The following POU6F2 variants were observed in gnomAD, a reference collection of about 807,000 sequenced individuals.
POU6F2 encodes the protein POU class 6 homeobox 2, also known as POU domain, class 6, transcription factor 2.
A neutral mutation model predicts 71.3 loss-of-function variants in POU6F2; 31 were observed. The ratio of observed to expected loss-of-function variants is 0.43; its 90% confidence interval spans 0.33 to 0.59. The LOEUF (loss-of-function observed/expected upper bound fraction) is 0.59. Among genes scored for constraint, POU6F2 ranks in the 20% least tolerant of loss-of-function variants. The pLI is 0.04. For synonymous variants in POU6F2, 347 were observed against 355.7 expected, an observed-to-expected ratio of 0.98 and a Z score of 0.27; for missense variants, 783 against 856.8, an observed-to-expected ratio of 0.91 and a Z score of 1.07.
At chr7:39,461,297 GGCCTAACCTT>G (rs1788944505) in intron 9 of POU6F2, among the ~76,000 whole-genome samples, 1 of 152,204 alleles carries the variant, frequency 6.6e-6, no homozygotes, top group Non-Finnish European at 1.5e-5. Context: ...GTGAGAATCT[GGCCTAACCTT>G]GCTCATCTCC....
chr7:39,453,044 A>G (rs1290360692), intron 8 of POU6F2, among the ~76,000 whole-genome samples: 2 of 152,226 alleles, frequency 1.3e-5, no homozygotes, highest in African/African-American at 4.8e-5. Flanking sequence ...GTGAGCTGAG[A>G]TCGCACCATT....
intron 1 of POU6F2, among the ~76,000 whole-genome samples, chr7:39,030,387 C>T (rs1789909147): frequency 6.7e-6 from 1 of 149,492 alleles, no homozygotes; most frequent in East Asian, 2.0e-4. Context: ...ATATAGTTTA[C>T]TTGGGCATCC....
chr7:39,431,921 C>T (rs1342021900), intron 6 of POU6F2, among the ~76,000 whole-genome samples: 1 of 152,234 alleles, frequency 6.6e-6, no homozygotes. Context: ...CCCTTGAAGG[C>T]AACCGGAAAG....
intron 4 of POU6F2, among the ~76,000 whole-genome samples, chr7:39,332,879 C>T (rs1785685191): frequency 6.6e-6 from 1 of 152,148 alleles, no homozygotes; most frequent in South Asian, 2.1e-4. Context: ...AGATTGTAGG[C>T]TGACTGGCTT....
At chr7:39,190,155 C>G (rs977753684) in intron 2 of POU6F2, among the ~76,000 whole-genome samples, 4 of 151,594 alleles carry the variant, frequency 2.6e-5, no homozygotes, top group African/African-American at 9.7e-5. Flanking sequence ...CTTTACCTTC[C>G]AAAGTGCTGG....
intron 4 of POU6F2, among the ~76,000 whole-genome samples, chr7:39,333,022 G>A (rs1785688256): frequency 6.6e-6 from 1 of 152,128 alleles, no homozygotes; most frequent in Non-Finnish European, 1.5e-5. Context: ...GGTGGAAATA[G>A]TGGGGAAGTC....
At chr7:39,069,916 G>A (rs917665370) in intron 1 of POU6F2, among the ~76,000 whole-genome samples, 1 of 152,164 alleles carries the variant, frequency 6.6e-6, no homozygotes, top group African/African-American at 2.4e-5. Flanking sequence ...CCCTTGTGGT[G>A]CAGACCTGTG....
intron 6 of POU6F2, 136 bp from the exon 7 acceptor site, chr7:39,432,941 C>G (rs1481398338): frequency 1.3e-6 from 1 of 752,234 alleles, no homozygotes; most frequent in Non-Finnish European, 2.1e-6. Flanking sequence ...TCCACCACAC[C>G]CCCCTCCAGA....
intron 2 of POU6F2, among the ~76,000 whole-genome samples, chr7:39,194,436 GT>G (rs767676414): frequency 9.9e-5 from 15 of 152,230 alleles, no homozygotes; most frequent in Non-Finnish European, 2.1e-4. Flanking sequence ...GAAGTTTTCT[GT>G]CTAGCTAAAG....
intron 6 of POU6F2, among the ~76,000 whole-genome samples, chr7:39,413,530 G>C (rs1026206145): frequency 1.2e-4 from 18 of 151,968 alleles, no homozygotes; most frequent in African/African-American, 3.9e-4. Flanking sequence ...CTTAACTAAT[G>C]GTTTTGGCCA....
intron 6 of POU6F2, among the ~76,000 whole-genome samples, chr7:39,422,090 G>A (rs1454014072): frequency 1.3e-5 from 2 of 152,070 alleles, no homozygotes; most frequent in Admixed American, 6.6e-5. Flanking sequence ...CAGCTACCAA[G>A]AAAATGAAAA....
intron 2 of POU6F2, among the ~76,000 whole-genome samples, chr7:39,160,090 G>T (rs1792961699): frequency 6.6e-6 from 1 of 152,174 alleles, no homozygotes; most frequent in Non-Finnish European, 1.5e-5. Flanking sequence ...AGAACTATCA[G>T]CAAACATAGG....
chr7:39,125,067 A>C, intron 2 of POU6F2, among the ~76,000 whole-genome samples: 1 of 152,202 alleles, frequency 6.6e-6, no homozygotes, highest in South Asian at 2.1e-4. Flanking sequence ...CTTGATATAA[A>C]AATACCTACC....
intron 2 of POU6F2, among the ~76,000 whole-genome samples, chr7:39,202,680 T>C (rs1266834371): frequency 1.3e-5 from 2 of 152,190 alleles, no homozygotes; most frequent in African/African-American, 4.8e-5. Context: ...TTAAGCATAA[T>C]AGGTAAATCA....
chr7:39,418,911 A>G (rs199852447), intron 6 of POU6F2, among the ~76,000 whole-genome samples: 255 of 141,930 alleles, frequency 1.8e-3, no homozygotes, highest in African/African-American at 5.9e-3. Flanking sequence ...GTGTGTGTGT[A>G]TATATATATG....
At chr7:39,340,451 TCTCACCTTAAGTA>T (rs1434766350) in intron 5 of POU6F2, among the ~76,000 whole-genome samples, 1 of 152,208 alleles carries the variant, frequency 6.6e-6, no homozygotes, top group Non-Finnish European at 1.5e-5. Flanking sequence ...TACAACAGTG[TCTCACCTTAAGTA>T]CTTTGTGCTC....
At chr7:39,321,213 G>T (rs1444528097) in intron 4 of POU6F2, among the ~76,000 whole-genome samples, 1 of 152,160 alleles carries the variant, frequency 6.6e-6, no homozygotes, top group African/African-American at 2.4e-5. Flanking sequence ...AAAACCACAA[G>T]ATAAGGGGGC....
intron 2 of POU6F2, among the ~76,000 whole-genome samples, chr7:39,201,201 C>A (rs6955794): frequency 6.6e-6 from 1 of 152,096 alleles, no homozygotes; most frequent in Non-Finnish European, 1.5e-5. Flanking sequence ...ACTTTTACAA[C>A]GTGATGCATG....
chr7:39,177,323 G>A lies in POU6F2; in HGVS notation c.278-26912G>A, dbSNP rs890183167. 7.9e-5 allele frequency among the ~76,000 whole-genome samples: 12 copies of A among 152,088 alleles called. 1 individual carries two copies. Among genetic ancestry groups the A allele is most frequent in the East Asian group, 5.8e-4 (3 of 5,190 alleles). On this transcript the variant is annotated intron_variant, in intron 2 of 9. Coordinates refer to ENST00000518318, the MANE Select transcript of POU6F2 (RefSeq NM_001370959.1). ...GGATGGAAAATCTCTTTCAACCTCC[G>A]TGCCAACCGTGATCAAGTGGGGGCA...
Sources: gnomAD v4.1 joint callset for allele counts (sites outside exome capture counted in the v4.1 genomes callset) on GRCh38, gnomAD v4.1.1 for gene constraint, MANE v1.5 for transcripts, NCBI Gene and HGNC (gene_info 2026-07-23, HGNC 2026-07-21) for gene names.